TNMD: variants seen among roughly 807,000 people sequenced by gnomAD.
TNMD encodes the protein tenomodulin, also known as BRICHOS domain containing 4.
In TNMD, 15 loss-of-function variants were observed where a neutral mutation model predicts 26.9. The ratio of observed to expected loss-of-function variants is 0.56; its 90% confidence interval spans 0.37 to 0.86. The LOEUF (loss-of-function observed/expected upper bound fraction) is 0.86, where lower values mean the gene tolerates loss of function less well. Ranked by LOEUF, TNMD falls within the 40% of genes least tolerant of loss-of-function variation. TNMD has a pLI of 0.00. For missense variants in TNMD, 222 were observed against 242.6 expected (o/e 0.92, Z 0.56); for synonymous variants, 73 against 77.0 (o/e 0.95, Z 0.27).
At chrX:100,590,176 C>G (rs1353293642) in intron 2 of TNMD, among the ~76,000 whole-genome samples, 1 of 111,805 alleles carries the variant, frequency 8.9e-6, no homozygotes, top group Non-Finnish European at 1.9e-5. Context: ...TAATATGGTA[C>G]AGTGCATTCT....
At chrX:100,596,799 CT>C (rs1356507322) in intron 4 of TNMD, among the ~76,000 whole-genome samples, 1 of 111,552 alleles carries the variant, frequency 9.0e-6, no homozygotes, top group Admixed American at 9.6e-5. Flanking sequence ...TACCTCAATA[CT>C]AGAAACTGAA....
rs375390954 is a variant in TNMD at position 100,594,068 on chromosome X, A to T, written c.321+33A>T. ...GGATGTTTTCCTCCTAAGGCTTTCC[A>T]CTTAAAATATTAGAGCAGTTGAGTC... On this transcript the variant is annotated intron_variant, in intron 3 of 6. Coordinates refer to ENST00000373031, the MANE Select transcript of TNMD (RefSeq NM_022144.3). 8 of 1,179,361 alleles carry T rather than the reference A, an allele frequency of 6.8e-6. No individual in the cohort carries two copies. The East Asian group carries it at 2.4e-4, about 35-fold the overall frequency.
rs764896700 is a variant in TNMD, at chrX:100,599,172, T to A, written c.734T>A (p.Ile245Lys). 1 of 1,190,250 alleles carries A rather than the reference T, an allele frequency of 8.4e-7. No homozygotes were observed. Among genetic ancestry groups the A allele is most frequent in the Admixed American group, 2.3e-5 (1 of 43,635 alleles). The change falls in exon 6 of 7, where the codon ATA becomes AAA. Residue 245 changes from isoleucine (I) to lysine (K), a missense_variant. By Grantham distance (102) the Ile-to-Lys change is moderately radical. Transcript: ENST00000373031. ...CAAGCAAGTGAGGAAGAACTTCCAA[T>A]AAATGACTATGTGAGTTATGTTTAT... ...ARQASEEELPINDYTENGIEF... is the reference protein window; with the variant it reads ...ARQASEEELPKNDYTENGIEF...
chrX:100,594,222 C>A, intron 3 of TNMD, 39 bp from the exon 4 acceptor site: 1 of 1,089,855 alleles, frequency 9.2e-7, no homozygotes, highest in East Asian at 3.1e-5. Context: ...AATAGTGGCT[C>A]TTTTGGGAAG....
chrX:100,591,547 T>A (rs936947041), intron 2 of TNMD, among the ~76,000 whole-genome samples: 3 of 111,199 alleles, frequency 2.7e-5, no homozygotes, highest in Admixed American at 9.5e-5. Context: ...CTCATACCCA[T>A]CTCCAAACAG....
chrX:100,593,339 G>A, intron 2 of TNMD: 1 of 753,733 alleles, frequency 1.3e-6, no homozygotes, highest in Non-Finnish European at 1.6e-6. Flanking sequence ...ATAAAGAGAA[G>A]GCTAAGGGAA....
At position 100,584,971 on chromosome X, in the gene TNMD, C is replaced by G. The variant is rs1418773863; in HGVS notation, c.-48C>G. The stretch of plus-strand genomic sequence containing the variant: ...CTTGCAACTCCACCTCAGCAGTGGT[C>G]TCTCAGTCCTCTCAAAGCAAGGAAA... On this transcript the variant is annotated 5_prime_UTR_variant, in exon 1 of 7. Transcript: ENST00000373031. 1.7e-6 allele frequency: 2 copies of G among 1,152,052 alleles called. No individual in the cohort carries two copies. Among genetic ancestry groups the G allele is most frequent in the African/African-American group, 3.6e-5 (2 of 55,218 alleles). The allele number at this position is 1,152,052 out of a possible 1,213,427, so 94.9% of individuals were successfully genotyped here. A position where few individuals can be genotyped will look rare whatever the true frequency, so the allele number is the denominator to read the frequency against.
intron 2 of TNMD, among the ~76,000 whole-genome samples, chrX:100,586,965 T>C (rs963942713): frequency 8.9e-6 from 1 of 112,282 alleles, no homozygotes; most frequent in Non-Finnish European, 1.9e-5. Context: ...TAAAGGGCCA[T>C]AAATCCTTTG....
chrX:100,585,918 A>G (rs1466108334), intron 2 of TNMD, among the ~76,000 whole-genome samples: 2 of 112,452 alleles, frequency 1.8e-5, no homozygotes, highest in Non-Finnish European at 3.8e-5. Flanking sequence ...GCCAGCTGCA[A>G]TCATCACTGT....
chrX:100,594,473 A>G (rs1003424308), intron 4 of TNMD, 111 bp downstream of exon 4: 2 of 431,397 alleles, frequency 4.6e-6, no homozygotes, highest in Non-Finnish European at 3.7e-6. Context: ...CAACAACCTT[A>G]TAAATAGATA....
At chrX:100,598,217 T>G (rs1480512872) in intron 5 of TNMD, among the ~76,000 whole-genome samples, 1 of 111,565 alleles carries the variant, frequency 9.0e-6, no homozygotes, top group East Asian at 2.8e-4. Flanking sequence ...TAAAGGCCCC[T>G]GGATGTCTTA....
intron 4 of TNMD, among the ~76,000 whole-genome samples, chrX:100,595,596 G>A (rs2082950720): frequency 9.1e-6 from 1 of 109,415 alleles, no homozygotes; most frequent in South Asian, 4.1e-4. Context: ...GGGGCGGTGG[G>A]TGGGGAGGAC....
chrX:100,590,990 T>A (rs1336593723), intron 2 of TNMD, among the ~76,000 whole-genome samples: 1 of 111,577 alleles, frequency 9.0e-6, no homozygotes, highest in Non-Finnish European at 1.9e-5. Flanking sequence ...AAGTGTGAAA[T>A]CATGGGTCAG....
intron 2 of TNMD, among the ~76,000 whole-genome samples, chrX:100,588,317 C>A (rs1345159389): frequency 9.0e-6 from 1 of 111,194 alleles, no homozygotes; most frequent in African/African-American, 3.3e-5. Flanking sequence ...CACACACACA[C>A]ACACACACAG....
Position 100,585,083 on chromosome X carries a change from T to G in TNMD, c.48+17T>G. On this transcript the variant is annotated intron_variant, in intron 1 of 6. Coordinates refer to ENST00000373031, the MANE Select transcript of TNMD (RefSeq NM_022144.3). ...ATTCTAAATGTAAGTTGATTCATAT[T>G]TTTTCCCTTTTGAGCAGAAGCATGG... 1 of 1,202,704 alleles carries G rather than the reference T, an allele frequency of 8.3e-7. No homozygotes were observed. Among genetic ancestry groups the G allele is most frequent in the Non-Finnish European group, 1.1e-6 (1 of 889,508 alleles).
intron 2 of TNMD, among the ~76,000 whole-genome samples, chrX:100,589,297 G>A (rs926834197): frequency 2.8e-5 from 3 of 106,746 alleles, no homozygotes; most frequent in African/African-American, 1.0e-4. Flanking sequence ...AAAAGTTGAA[G>A]GAGTAGCCGG....
chrX:100,593,070 G>T (rs749762168), intron 2 of TNMD, among the ~76,000 whole-genome samples: 27 of 111,892 alleles, frequency 2.4e-4, no homozygotes, highest in Non-Finnish European at 1.7e-4. Context: ...AGTGCCATAT[G>T]GGACTGGTCC....
chrX:100,596,321 G>A (rs1256672062), intron 4 of TNMD, among the ~76,000 whole-genome samples: 5 of 111,925 alleles, frequency 4.5e-5, no homozygotes, highest in South Asian at 3.7e-4. Context: ...GTGACAGAGC[G>A]GGACTCAGTG....
chrX:100,599,447 G>A (rs2082962474), intron 6 of TNMD, 61 bp from the exon 7 acceptor site: 18 of 1,033,171 alleles, frequency 1.7e-5, no homozygotes, highest in Middle Eastern at 2.5e-4. Flanking sequence ...CCTGCTTGGT[G>A]AGAACTCTTG....
Sources: allele counts gnomAD v4.1 joint callset (sites outside exome capture counted in the v4.1 genomes callset), GRCh38; gene constraint gnomAD v4.1.1; transcripts MANE v1.5; gene names NCBI Gene and HGNC (gene_info 2026-07-23, HGNC 2026-07-21).